The following WNT2 variants were observed in gnomAD, a reference collection of about 807,000 sequenced individuals.
WNT2 encodes the protein protein Wnt-2.
In WNT2, 12 loss-of-function variants were observed where a neutral mutation model predicts 36.9. The observed-to-expected ratio is 0.33, with a 90% confidence interval of 0.21 to 0.53. The LOEUF is 0.53. WNT2 is among the 20% of genes least tolerant of loss of function. The pLI is 0.95. For synonymous variants in WNT2, 163 were observed against 174.6 expected (o/e 0.93, Z 0.52); for missense variants, 379 against 473.1 (o/e 0.80, Z 1.84).
At position 117,320,705 on chromosome 7, in the gene WNT2, G is replaced by A. The variant is rs759973036; in HGVS notation, c.172C>T (p.His58Tyr). Reference sequence around the variant, plus strand: ...CTAATGGCACGCATCACATCTGGATGTCGGTGACACAGCTGCCGCTGGCTG... The same window carrying A: ...CTAATGGCACGCATCACATCTGGATATCGGTGACACAGCTGCCGCTGGCTG... ...VSSQRQLCHR[H>Y]PDVMRAISQG... The change falls in exon 2 of 5, where the codon CAT (histidine) becomes TAT (tyrosine). Residue 58 changes from histidine (H) to tyrosine (Y), a missense_variant. Transcript: ENST00000265441. 6.2e-7 allele frequency: 1 copy of A among 1,614,026 alleles called. No homozygotes were observed. Among genetic ancestry groups the A allele is most frequent in the African/African-American group, 1.3e-5 (1 of 75,066 alleles).
At chr7:117,294,593 T>TAA (rs5886850) in intron 4 of WNT2, among the ~76,000 whole-genome samples, 1 of 128,416 alleles carries the variant, frequency 7.8e-6, no homozygotes, top group African/African-American at 2.9e-5. Context: ...AACTGGCAAC[T>TAA]AAAAAAAAAA....
intron 3 of WNT2, among the ~76,000 whole-genome samples, 163 bp downstream of exon 3, chr7:117,314,900 TTCAACCTA>T (rs1795185274): frequency 6.6e-6 from 1 of 152,216 alleles, no homozygotes; most frequent in Non-Finnish European, 1.5e-5. Context: ...GTGGGAATAT[TTCAACCTA>T]GTTGTTGGTA....
chr7:117,296,959 G>A (rs1794801954), intron 4 of WNT2, among the ~76,000 whole-genome samples: 1 of 152,182 alleles, frequency 6.6e-6, no homozygotes, highest in African/African-American at 2.4e-5. Context: ...TTTCAGAAGA[G>A]TCTAAATTTA....
chr7:117,277,842 A>C lies in WNT2; in HGVS notation c.*313T>G, dbSNP rs570913026. 3.0e-6 allele frequency: 1 copy of C among 338,162 alleles called. No homozygotes were observed. The highest frequency in any genetic ancestry group is 4.9e-5 in the South Asian group (1 of 20,430). The allele number at this position is 338,162 out of a possible 1,614,324, so 20.9% of individuals were successfully genotyped here. On this transcript the variant is annotated 3_prime_UTR_variant, in exon 5 of 5. Coordinates refer to ENST00000265441, the MANE Select transcript of WNT2 (RefSeq NM_003391.3). ...ACTGCTCTAGAAAGAAGAAACGTCAAGGTGGGTGGAGACAGTGGTCTGGGC... is the reference window on the plus strand; with the variant it reads ...ACTGCTCTAGAAAGAAGAAACGTCACGGTGGGTGGAGACAGTGGTCTGGGC...
intron 4 of WNT2, among the ~76,000 whole-genome samples, chr7:117,296,517 A>AT (rs1023749770): frequency 8.0e-4 from 121 of 151,652 alleles, no homozygotes; most frequent in Admixed American, 3.1e-3. Context: ...CTCTAAGAGG[A>AT]TTTTTTTTTC....
intron 2 of WNT2, 103 bp downstream of exon 2, chr7:117,320,464 T>G: frequency 8.5e-7 from 1 of 1,179,416 alleles, no homozygotes; most frequent in Non-Finnish European, 1.2e-6. Context: ...AAACTTCTGA[T>G]GGAATAAAAT....
chr7:117,293,270 G>A (rs1488526366), intron 4 of WNT2, among the ~76,000 whole-genome samples: 1 of 152,084 alleles, frequency 6.6e-6, no homozygotes, highest in African/African-American at 2.4e-5. Flanking sequence ...GATAAAACAA[G>A]CCAGCTCACA....
intron 2 of WNT2, among the ~76,000 whole-genome samples, chr7:117,319,690 T>C (rs532620561): frequency 6.6e-6 from 1 of 152,334 alleles, no homozygotes; most frequent in South Asian, 2.1e-4. Flanking sequence ...AAATGAAATA[T>C]GATTTTCAAT....
chr7:117,320,435 C>G (rs540651006), intron 2 of WNT2, 132 bp downstream of exon 2: 40 of 871,996 alleles, frequency 4.6e-5, no homozygotes, highest in Non-Finnish European at 6.9e-5. Context: ...AGAACAGGGA[C>G]AATGACGCCC....
intron 4 of WNT2, among the ~76,000 whole-genome samples, chr7:117,279,092 A>C (rs1794435017): frequency 6.6e-6 from 1 of 152,236 alleles, no homozygotes. Context: ...GGCATAGAAA[A>C]TCTGCCAGGA....
chr7:117,287,215 C>T (rs757330475), intron 4 of WNT2, among the ~76,000 whole-genome samples: 100 of 152,032 alleles, frequency 6.6e-4, no homozygotes, highest in African/African-American at 1.2e-3. Flanking sequence ...GGCATGGTGG[C>T]GTGCCTGTAG....
Position 117,320,619 on chromosome 7 carries a change from A to T in WNT2, c.258T>A (p.Asn86Lys), listed in dbSNP as rs751070675. 2 of 1,613,928 alleles carry T rather than the reference A, an allele frequency of 1.2e-6. No individual in the cohort carries two copies. The highest frequency in any genetic ancestry group is 1.7e-6 in the Non-Finnish European group (2 of 1,179,988). ...CQHQFRQHRW[N>K]CNTLDRDHSL... ...TGTGATCCCTGTCCAGGGTGTTGCA[A>T]TTCCAGCGGTGCTGGCGGAACTGGT... Residue 86 changes from asparagine to lysine, a missense_variant, in exon 2 of 5, where the codon AAT becomes AAA. Transcript: ENST00000265441.
chr7:117,281,766 C>A (rs1309481811), intron 4 of WNT2, among the ~76,000 whole-genome samples: 2 of 152,014 alleles, frequency 1.3e-5, no homozygotes, highest in African/African-American at 4.8e-5. Context: ...AACTTGATGA[C>A]TCATTGAATT....
intron 3 of WNT2, among the ~76,000 whole-genome samples, chr7:117,311,035 T>G (rs1795111355): frequency 6.6e-6 from 1 of 152,170 alleles, no homozygotes; most frequent in South Asian, 2.1e-4. Context: ...AGTAATTCCT[T>G]AATAAAATAA....
At chr7:117,312,687 A>C (rs39310) in intron 3 of WNT2, among the ~76,000 whole-genome samples, 46,998 of 152,084 alleles carry the variant, frequency 0.31, 7,917 homozygotes, top group African/African-American at 0.42. Flanking sequence ...GCATTTAAGT[A>C]AACATGAAAG....
At chr7:117,298,027 T>C in intron 3 of WNT2, 151 bp from the exon 4 acceptor site, 1 of 1,160,966 alleles carries the variant, frequency 8.6e-7, no homozygotes, top group Non-Finnish European at 1.2e-6. Flanking sequence ...GCTTGTCACT[T>C]GTTAGCCACA....
chr7:117,308,111 A>G (rs1243087895), intron 3 of WNT2, among the ~76,000 whole-genome samples: 1 of 152,248 alleles, frequency 6.6e-6, no homozygotes, highest in African/African-American at 2.4e-5. Context: ...ACAGGTCCAC[A>G]TCTCTCAGAT....
chr7:117,299,994 A>G (rs10227271), intron 3 of WNT2, among the ~76,000 whole-genome samples: 35,404 of 151,986 alleles, frequency 0.23, 5,076 homozygotes, highest in East Asian at 0.47. Context: ...TTTTGTTCAG[A>G]TGTTGGGCAG....
At chr7:117,291,347 C>G (rs557344434) in intron 4 of WNT2, among the ~76,000 whole-genome samples, 24 of 152,272 alleles carry the variant, frequency 1.6e-4, no homozygotes, top group Non-Finnish European at 3.4e-4. Flanking sequence ...CTCAGGGTGA[C>G]CTCTGGCCCA....
Sources: allele counts gnomAD v4.1 joint callset (sites outside exome capture counted in the v4.1 genomes callset), GRCh38; gene constraint gnomAD v4.1.1; transcripts MANE v1.5; gene names NCBI Gene and HGNC (gene_info 2026-07-23, HGNC 2026-07-21).